Variants in UBR3 observed in about 807,000 individuals in gnomAD.
UBR3 encodes the protein ubiquitin protein ligase E3 component n-recognin 3.
In UBR3, 85 loss-of-function variants were observed where a neutral mutation model predicts 243.2. The observed-to-expected ratio is 0.35, with a 90% CI of 0.29 to 0.42. The LOEUF is 0.42. Ranked by LOEUF, UBR3 falls within the 10% of genes least tolerant of loss-of-function variation. The pLI is 1.00. For synonymous variants in UBR3, 748 were observed against 799.8 expected, an observed-to-expected ratio of 0.94 and a Z score of 1.09; for missense variants, 1,686 against 2,300.8, an observed-to-expected ratio of 0.73 and a Z score of 5.47.
At chr2:169,996,382 A>C (rs1403120314) in intron 26 of UBR3, among the ~76,000 whole-genome samples, 2 of 152,186 alleles carry the variant, frequency 1.3e-5, no homozygotes, top group Admixed American at 6.5e-5. Context: ...GCTGATAATG[A>C]TCTTTCATGC....
At position 169,905,962 on chromosome 2, in the gene UBR3, G is replaced by A. The variant is rs2084995677; in HGVS notation, c.1646-69G>A. 2.7e-6 allele frequency: 4 copies of A among 1,506,708 alleles called. No individual in the cohort carries two copies. The South Asian group carries it at 5.2e-5, about 19-fold the overall frequency. The allele number at this position is 1,506,708 out of a possible 1,614,324, so 93.3% of individuals were successfully genotyped here. ...ATAAATGTGTTTGGGACTGGGAAAT[G>A]TACTTGATATTTAACATGAATGTGT... On this transcript the variant is annotated intron_variant, in intron 9 of 38. Transcript: ENST00000272793.
rs1024356813 is a variant in UBR3, at chr2:169,877,688, CA to C, written c.988+58del. 20 of 1,469,404 alleles carry C rather than the reference CA, an allele frequency of 1.4e-5. No homozygotes were observed. The African/African-American group carries it at 1.6e-4, about 12-fold the overall frequency. The allele number at this position is 1,469,404 out of a possible 1,614,324, so 91.0% of individuals were successfully genotyped here. A position where few individuals can be genotyped will look rare whatever the true frequency, so the allele number is the denominator to read the frequency against. The stretch of plus-strand genomic sequence containing the variant: ...AGTTGTAACTTTTCTGTATTAAAAC[CA>C]AAAAAACCTCTCAAACTTTACTCAT... On this transcript the variant is annotated intron_variant, in intron 4 of 38. Coordinates refer to ENST00000272793, the MANE Select transcript of UBR3 (RefSeq NM_172070.4).
At chr2:169,980,973 G>A (rs549338261) in intron 24 of UBR3, among the ~76,000 whole-genome samples, 62 of 152,066 alleles carry the variant, frequency 4.1e-4, no homozygotes, top group African/African-American at 1.4e-3. Flanking sequence ...GATATGGGCT[G>A]GGGCTATGTC....
intron 27 of UBR3, among the ~76,000 whole-genome samples, chr2:170,004,763 T>C (rs1053911655): frequency 6.6e-6 from 1 of 151,670 alleles, no homozygotes; most frequent in Non-Finnish European, 1.5e-5. Flanking sequence ...ACACAAAAAT[T>C]AGCTGGGTGT....
intron 27 of UBR3, among the ~76,000 whole-genome samples, chr2:170,006,445 A>T (rs1293331665): frequency 6.6e-6 from 1 of 152,204 alleles, no homozygotes; most frequent in Non-Finnish European, 1.5e-5. Flanking sequence ...TAGTCAAAGT[A>T]CTTGAGATGC....
At chr2:169,869,944 C>T (rs1480527027) in intron 1 of UBR3, among the ~76,000 whole-genome samples, 1 of 152,016 alleles carries the variant, frequency 6.6e-6, no homozygotes, top group East Asian at 1.9e-4. Flanking sequence ...AATATTTTTT[C>T]CAGTTTGTTA....
At chr2:169,888,711 C>T (rs1450246358) in intron 5 of UBR3, among the ~76,000 whole-genome samples, 2 of 152,208 alleles carry the variant, frequency 1.3e-5, no homozygotes, top group Non-Finnish European at 2.9e-5. Context: ...ACAACTTCCA[C>T]ATTATAATGA....
chr2:169,917,794 C>G (rs952846083), intron 11 of UBR3, among the ~76,000 whole-genome samples: 1 of 152,114 alleles, frequency 6.6e-6, no homozygotes, highest in African/African-American at 2.4e-5. Flanking sequence ...CCTCCACCTC[C>G]TGGGTTCAAG....
chr2:169,852,850 CAAAAAAAAAAA>C (rs869283640), intron 1 of UBR3, among the ~76,000 whole-genome samples: 8 of 48,284 alleles, frequency 1.7e-4, no homozygotes, highest in East Asian at 1.6e-3. Flanking sequence ...GACTTCATCT[CAAAAAAAAAAA>C]AAAAAAAAAA....
intron 23 of UBR3, among the ~76,000 whole-genome samples, chr2:169,955,967 T>C (rs888348071): frequency 3.3e-5 from 5 of 151,562 alleles, no homozygotes; most frequent in African/African-American, 4.8e-5. Flanking sequence ...CTGGGGAAAA[T>C]TGTGTGTGTG....
At chr2:169,869,439 G>A (rs2083369370) in intron 1 of UBR3, among the ~76,000 whole-genome samples, 1 of 152,016 alleles carries the variant, frequency 6.6e-6, no homozygotes, top group South Asian at 2.1e-4. Context: ...GGCCAGGCTG[G>A]TCTCAAACTC....
At chr2:169,860,996 A>T (rs1354827600) in intron 1 of UBR3, among the ~76,000 whole-genome samples, 1 of 152,172 alleles carries the variant, frequency 6.6e-6, no homozygotes, top group Non-Finnish European at 1.5e-5. Context: ...AGAACTTGGT[A>T]TCTGATGTTC....
chr2:169,859,122 G>GA (rs1232645588), intron 1 of UBR3, among the ~76,000 whole-genome samples: 1 of 107,424 alleles, frequency 9.3e-6, no homozygotes, highest in African/African-American at 3.8e-5. Flanking sequence ...GTCTTGCTCT[G>GA]TTGCCCAGGC....
At chr2:169,975,948 A>AT (rs1054091462) in intron 24 of UBR3, among the ~76,000 whole-genome samples, 3 of 150,706 alleles carry the variant, frequency 2.0e-5, no homozygotes, top group African/African-American at 4.9e-5. Context: ...TATAATGACC[A>AT]TTTTTTTCTC....
intron 5 of UBR3, among the ~76,000 whole-genome samples, chr2:169,880,120 A>G (rs1271567979): frequency 7.9e-5 from 12 of 152,190 alleles, no homozygotes; most frequent in Non-Finnish European, 5.9e-5. Flanking sequence ...TTGACTATGA[A>G]TGGGTGAATG....
In UBR3 at chr2:170,027,731, T is replaced by C. The variant is rs535198974; in HGVS notation, c.4454-1615T>C. On this transcript the variant is annotated intron_variant, in intron 30 of 38. Coordinates refer to ENST00000272793, the MANE Select transcript of UBR3 (RefSeq NM_172070.4). ...TAGTTTTTTAAACACTTTTAGGTTT[T>C]AGTCATTAAAACACTCATTAAAAGT... Among the ~76,000 whole-genome samples the C allele has an allele frequency of 2.6e-4, 40 of 152,066 alleles. 1 individual carries two copies. The South Asian group carries it at 8.1e-3, about 31-fold the overall frequency.
chr2:169,852,132 A>G (rs545203048), intron 1 of UBR3, among the ~76,000 whole-genome samples: 20 of 152,196 alleles, frequency 1.3e-4, no homozygotes, highest in Admixed American at 2.6e-4. Context: ...ATGCTAGAGC[A>G]TAATTTGGAG....
At chr2:169,908,929 T>C (rs1307450344) in intron 10 of UBR3, among the ~76,000 whole-genome samples, 3 of 151,012 alleles carry the variant, frequency 2.0e-5, no homozygotes, top group Non-Finnish European at 4.4e-5. Flanking sequence ...GTTCACGCCA[T>C]TCTCCTGCCT....
chr2:169,992,725 T>C (rs1474374953), intron 25 of UBR3, among the ~76,000 whole-genome samples: 1 of 152,214 alleles, frequency 6.6e-6, no homozygotes, highest in African/African-American at 2.4e-5. Flanking sequence ...TACTTTAGAA[T>C]ATAACTCCTA....
Sources: gnomAD v4.1 joint callset for allele counts (sites outside exome capture counted in the v4.1 genomes callset) on GRCh38, gnomAD v4.1.1 for gene constraint, MANE v1.5 for transcripts, NCBI Gene and HGNC (gene_info 2026-07-23, HGNC 2026-07-21) for gene names.